Variants in LLGL2 observed in about 807,000 individuals in gnomAD.
LLGL2 encodes the protein LLGL scribble cell polarity complex component 2.
A neutral mutation model predicts 123.2 loss-of-function variants in LLGL2; 81 were observed. The ratio of observed to expected loss-of-function variants is 0.66; its 90% CI spans 0.55 to 0.79. LLGL2 has a LOEUF of 0.79. Among genes scored for constraint, LLGL2 ranks in the 30% least tolerant of loss-of-function variants. The pLI is 0.00. For missense variants in LLGL2, 1,273 were observed against 1,414.6 expected (o/e 0.90, Z 1.61); for synonymous variants, 577 against 594.1 (o/e 0.97, Z 0.42).
chr17:75,571,957 C>A lies in LLGL2; in HGVS notation c.2353C>A (p.His785Asn). 1.9e-6 allele frequency: 3 copies of A among 1,612,834 alleles called. No individual in the cohort carries two copies. In the South Asian group the frequency reaches 3.3e-5, roughly 18 times the overall value. Residue 785 changes from histidine to asparagine, a missense_variant, in exon 19 of 26, where the codon CAC becomes AAC. By Grantham distance (68) the His-to-Asn change is moderately conservative. Coordinates refer to ENST00000392550, the MANE Select transcript of LLGL2 (RefSeq NM_001031803.2). ...GGTGGGCATCCTGGTGCTCGACGGA[C>A]ACAGCGTACCCCTTCCCGAGCCCCT... Reference protein sequence around the residue: ...PVVGILVLDGHSVPLPEPLEV... With the variant: ...PVVGILVLDGNSVPLPEPLEV...
chr17:75,555,870 CA>C (rs77073190), intron 2 of LLGL2, among the ~76,000 whole-genome samples, 175 bp from the exon 3 acceptor site: 2,499 of 152,240 alleles, frequency 0.016, 65 homozygotes, highest in African/African-American at 0.057. Context: ...CACAAAGGGA[CA>C]GGGGGTGGGG....
intron 2 of LLGL2, 120 bp from the exon 3 acceptor site, chr17:75,555,926 G>A: frequency 1.4e-6 from 1 of 711,412 alleles, no homozygotes; most frequent in Non-Finnish European, 2.4e-6. Flanking sequence ...TGTCTGGGAG[G>A]AACCGGAAAG....
chr17:75,558,576 G>A lies in LLGL2; in HGVS notation c.320G>A (p.Gly107Glu), dbSNP rs757100101. 1 of 1,611,794 alleles carries A rather than the reference G, an allele frequency of 6.2e-7. No individual in the cohort carries two copies. The highest frequency in any genetic ancestry group is 8.5e-7 in the Non-Finnish European group (1 of 1,179,184). Reference sequence around the variant, plus strand: ...CTTTGGAGCCTGAAGGTCAAGGGCGGGGCATCGGAGCTGCAGGAGGATGAG... The same window carrying A: ...CTTTGGAGCCTGAAGGTCAAGGGCGAGGCATCGGAGCTGCAGGAGGATGAG... ...LHLWSLKVKG[G>E]ASELQEDESF... is the part of the protein sequence containing the mutation. Residue 107 changes from glycine to glutamate, a missense_variant, in exon 5 of 26, where the codon GGG (glycine) becomes GAG (glutamate). Transcript: ENST00000392550. This position sits in a 1 kb window ranked among gnomAD's most constrained non-coding sequence, Gnocchi z 4.0.
At chr17:75,553,930 C>G (rs974141604) in intron 2 of LLGL2, among the ~76,000 whole-genome samples, 6 of 152,140 alleles carry the variant, frequency 3.9e-5, no homozygotes, top group African/African-American at 1.4e-4. Flanking sequence ...AACCCTCTAG[C>G]AACAAAGTAA....
rs1285848489 is a variant in LLGL2, at chr17:75,563,377, G to C, written c.740G>C (p.Ser247Thr). The change falls in exon 8 of 26, where the codon AGC becomes ACC. Residue 247 changes from serine to threonine, a missense_variant. Ser to Thr is a moderately conservative substitution (Grantham distance 58). Coordinates refer to ENST00000392550, the MANE Select transcript of LLGL2 (RefSeq NM_001031803.2). Reference sequence around the variant, plus strand: ...CAGCGGGACGGCCGCCTGCTCGTCAGCTGTCACTCTGACGGCAGCTACTGC... The same window carrying C: ...CAGCGGGACGGCCGCCTGCTCGTCACCTGTCACTCTGACGGCAGCTACTGC... ...WWQRDGRLLV[S>T]CHSDGSYCQW... 3 of 1,612,910 alleles carry C rather than the reference G, an allele frequency of 1.9e-6. No homozygotes were observed. The highest frequency in any genetic ancestry group is 1.3e-5 in the African/African-American group (1 of 75,066).
intron 1 of LLGL2, among the ~76,000 whole-genome samples, chr17:75,536,192 C>T (rs1041753175): frequency 1.1e-4 from 17 of 152,170 alleles, no homozygotes; most frequent in Non-Finnish European, 1.3e-4. Flanking sequence ...TGAGAAGCCT[C>T]ATCTCAGAGG....
rs898294830 is a variant in LLGL2 at position 75,564,970 on chromosome 17, C to G, written c.1036+463C>G. 6.6e-6 allele frequency among the ~76,000 whole-genome samples: 1 copy of G among 152,178 alleles called. No individual in the cohort carries two copies. Among genetic ancestry groups the G allele is most frequent in the African/African-American group, 2.4e-5 (1 of 41,446 alleles). ...GGTGCAGTGTCATCAAGCCCTACAG[C>G]TCCTTTCTCTGCCTCCCTGCCACCC... is the stretch of plus-strand genomic sequence containing the variant. On this transcript the variant is annotated intron_variant, in intron 10 of 25. Coordinates refer to ENST00000392550, the MANE Select transcript of LLGL2 (RefSeq NM_001031803.2). This position sits in a 1 kb window ranked among gnomAD's most constrained non-coding sequence, Gnocchi z 4.9.
chr17:75,574,259 G>C lies in LLGL2; in HGVS notation c.2952G>C (p.Glu984Asp), dbSNP rs973668409. 2.1e-6 allele frequency: 3 copies of C among 1,438,794 alleles called. No homozygotes were observed. The highest frequency in any genetic ancestry group is 2.9e-5 in the African/African-American group (2 of 69,700). 89.1% of individuals were successfully genotyped at this position (1,438,794 alleles called of 1,614,324 possible). Residue 984 changes from glutamate (E) to aspartate (D), a missense_variant and splice_region_variant, in exon 23 of 26, where the codon GAG becomes GAC. Coordinates refer to ENST00000392550, the MANE Select transcript of LLGL2 (RefSeq NM_001031803.2). ...LVMERALLSD[E>D]RVLKEIQSTL... ...TGGAGCGCGCTCTGCTCAGTGATGAGAGTGAGTTGGGTGGGAGAGGGTGGG... is the reference window on the plus strand; with the variant it reads ...TGGAGCGCGCTCTGCTCAGTGATGACAGTGAGTTGGGTGGGAGAGGGTGGG...
At chr17:75,573,747 C>A in intron 21 of LLGL2, 116 bp downstream of exon 21, 1 of 1,266,354 alleles carries the variant, frequency 7.9e-7, no homozygotes, top group Non-Finnish European at 1.1e-6. Flanking sequence ...GCTCAGCCCA[C>A]CCTCCCAGGC....
In LLGL2 at chr17:75,559,877, C is replaced by A. The variant is rs1313154464; in HGVS notation, c.530+467C>A. ...CACAGGCATGTGGGTCTGTTGAGATCGTTTCAGAAGCTTTGCTCCTTGTTG... is the reference window on the plus strand; with the variant it reads ...CACAGGCATGTGGGTCTGTTGAGATAGTTTCAGAAGCTTTGCTCCTTGTTG... On this transcript the variant is annotated intron_variant, in intron 6 of 25. Coordinates refer to ENST00000392550, the MANE Select transcript of LLGL2 (RefSeq NM_001031803.2). This position sits in a 1 kb window ranked among gnomAD's most constrained non-coding sequence, Gnocchi z 4.6. Among the ~76,000 whole-genome samples the A allele has an allele frequency of 2.0e-5, 3 of 152,168 alleles. No homozygotes were observed. The highest frequency in any genetic ancestry group is 7.2e-5 in the African/African-American group (3 of 41,434).
At chr17:75,547,660 A>G (rs1212591900) in intron 2 of LLGL2, among the ~76,000 whole-genome samples, 1 of 152,094 alleles carries the variant, frequency 6.6e-6, no homozygotes, top group Non-Finnish European at 1.5e-5. Context: ...CCCCATCTCT[A>G]CTAAAAATAC....
At position 75,540,716 on chromosome 17, in the gene LLGL2, G is replaced by T. The variant is rs77726315; in HGVS notation, c.-30-2681G>T. Among the ~76,000 whole-genome samples the T allele has an allele frequency of 1.4e-3, 208 of 152,286 alleles. 3 individuals carry two copies. Among genetic ancestry groups the T allele is most frequent in the African/African-American group, 4.4e-3 (183 of 41,550 alleles). Reference sequence around the variant, plus strand: ...CTTGGGGTCCAGTCCGAGTTCTGCCGCTTCCTACTTGGTGACCTTGACAGG... The same window carrying T: ...CTTGGGGTCCAGTCCGAGTTCTGCCTCTTCCTACTTGGTGACCTTGACAGG... On this transcript the variant is annotated intron_variant, in intron 1 of 25. Transcript: ENST00000392550.
chr17:75,535,288 CTTCTTAA>C (rs1453716970), intron 1 of LLGL2, among the ~76,000 whole-genome samples: 1 of 152,252 alleles, frequency 6.6e-6, no homozygotes, highest in Non-Finnish European at 1.5e-5. Flanking sequence ...GGGAAGGCAG[CTTCTTAA>C]TCAGCAGCGG....
chr17:75,555,708 A>T (rs1224898508), intron 2 of LLGL2, among the ~76,000 whole-genome samples: 1 of 151,692 alleles, frequency 6.6e-6, no homozygotes. Context: ...CCCCACACCC[A>T]TAAGGCCCCC....
chr17:75,548,883 C>T (rs1158174357), intron 2 of LLGL2, among the ~76,000 whole-genome samples: 2 of 152,082 alleles, frequency 1.3e-5, no homozygotes, highest in Non-Finnish European at 2.9e-5. Context: ...AGTGTAATTG[C>T]TTCAAACGGT....
intron 2 of LLGL2, among the ~76,000 whole-genome samples, chr17:75,547,874 A>G (rs965809582): frequency 6.6e-6 from 1 of 151,908 alleles, no homozygotes. Flanking sequence ...GGTTACAGGA[A>G]GGTGAGGGGA....
At position 75,574,267 on chromosome 17, in the gene LLGL2, T is replaced by C. The variant is rs969360603; in HGVS notation, c.2953+7T>C. ...GCTCTGCTCAGTGATGAGAGTGAGT[T>C]GGGTGGGAGAGGGTGGGGCTGGCAG... On this transcript the variant is annotated splice_region_variant and intron_variant, in intron 23 of 25. Transcript: ENST00000392550. 14 of 272,612 alleles carry C rather than the reference T, an allele frequency of 5.1e-5. No individual in the cohort carries two copies. The African/African-American group carries it at 1.3e-3, about 25-fold the overall frequency. The allele number at this position is 272,612 out of a possible 1,614,324, so 16.9% of individuals were successfully genotyped here. A position where few individuals can be genotyped will look rare whatever the true frequency, so the allele number is the denominator to read the frequency against.
rs1489227602 is a variant in LLGL2, at chr17:75,563,062, G to A, written c.577G>A (p.Ala193Thr). 1.2e-6 allele frequency: 2 copies of A among 1,613,094 alleles called. No homozygotes were observed. Among genetic ancestry groups the A allele is most frequent in the South Asian group, 1.1e-5 (1 of 91,084 alleles). The change falls in exon 7 of 26, where the codon GCA becomes ACA. Residue 193 changes from alanine (A) to threonine (T), a missense_variant. Physicochemically the swap from Ala to Thr is moderately conservative, Grantham distance 58. Transcript: ENST00000392550. The part of the protein sequence containing the change: ...RHRRVFEMVE[A>T]LQEHPRDPNQ... ...CCGGCGTGTGTTCGAGATGGTGGAGGCACTGCAGGAGCACCCTCGAGACCC... is the reference window on the plus strand; with the variant it reads ...CCGGCGTGTGTTCGAGATGGTGGAGACACTGCAGGAGCACCCTCGAGACCC...
intron 25 of LLGL2, 74 bp downstream of exon 25, chr17:75,574,742 C>T: frequency 6.3e-7 from 1 of 1,594,130 alleles, no homozygotes. Context: ...CGGCCCCACT[C>T]CCCTGGGTCC....
Sources: allele counts gnomAD v4.1 joint callset (sites outside exome capture counted in the v4.1 genomes callset), GRCh38; gene constraint gnomAD v4.1.1; non-coding constraint Gnocchi (gnomAD v3.1); transcripts MANE v1.5; gene names NCBI Gene and HGNC (gene_info 2026-07-23, HGNC 2026-07-21).